The following MTM1 variants were observed in gnomAD, a reference collection of about 807,000 sequenced individuals.
MTM1 encodes the protein myotubularin 1, also known as myotubularin.
Under a neutral mutation model 52.1 loss-of-function variants are expected in MTM1, and 9 were observed. The ratio of observed to expected loss-of-function variants is 0.17; its 90% CI spans 0.10 to 0.30. The LOEUF is 0.30. MTM1 is among the 10% of genes least tolerant of loss of function. MTM1 has a pLI of 1.00. For synonymous variants in MTM1, 136 were observed against 163.8 expected, an observed-to-expected ratio of 0.83 and a Z score of 1.29; for missense variants, 277 against 470.7, an observed-to-expected ratio of 0.59 and a Z score of 3.81.
At chrX:150,648,996 T>A (rs2039977686) in intron 9 of MTM1, among the ~76,000 whole-genome samples, 1 of 112,735 alleles carries the variant, frequency 8.9e-6, no homozygotes, top group East Asian at 2.8e-4. Context: ...CAGTAATACC[T>A]ATCTTGCAGC....
chrX:150,609,765 G>T (rs986581143), intron 4 of MTM1, among the ~76,000 whole-genome samples: 1 of 111,114 alleles, frequency 9.0e-6, no homozygotes, highest in Admixed American at 9.6e-5. Flanking sequence ...TTCTACCTCG[G>T]TCCTTCTCTA....
chrX:150,609,199 G>A (rs1395706092), intron 4 of MTM1, among the ~76,000 whole-genome samples: 1 of 111,277 alleles, frequency 9.0e-6, no homozygotes, highest in Non-Finnish European at 1.9e-5. Context: ...AGTGGTGTGA[G>A]CCAAGGAATG....
chrX:150,630,220 G>A (rs1308560643), intron 6 of MTM1, among the ~76,000 whole-genome samples: 1 of 111,667 alleles, frequency 9.0e-6, no homozygotes, highest in Non-Finnish European at 1.9e-5. Context: ...AGCCTCCCAA[G>A]TAGCTGAGAT....
intron 4 of MTM1, among the ~76,000 whole-genome samples, chrX:150,599,059 G>A (rs1257774314): frequency 4.5e-5 from 5 of 112,094 alleles, no homozygotes; most frequent in South Asian, 7.3e-4. Flanking sequence ...AGATGTCCTG[G>A]ATAGACTGCA....
At chrX:150,654,670 G>A (rs782614101) in intron 10 of MTM1, among the ~76,000 whole-genome samples, 62 of 111,544 alleles carry the variant, frequency 5.6e-4, no homozygotes, top group African/African-American at 2.0e-3. Context: ...CATAGATATT[G>A]CATAGTAAGG....
intron 1 of MTM1, among the ~76,000 whole-genome samples, chrX:150,583,884 T>TATATAATATATATTAA (rs2038720092): frequency 2.8e-5 from 1 of 35,723 alleles, no homozygotes; most frequent in African/African-American, 2.0e-4. Context: ...ATATTAAATA[T>TATATAATATATATTAA]ATATATATAT....
intron 5 of MTM1, 117 bp downstream of exon 5, chrX:150,614,816 C>T (rs1303718415): frequency 1.3e-5 from 6 of 475,393 alleles, no homozygotes; most frequent in Middle Eastern, 5.8e-4. Flanking sequence ...ATCTAAGGCC[C>T]TGGAAATGGT....
At chrX:150,594,091 GTGTGTATA>G (rs1266479566) in intron 2 of MTM1, among the ~76,000 whole-genome samples, 1 of 110,052 alleles carries the variant, frequency 9.1e-6, no homozygotes, top group Non-Finnish European at 1.9e-5. Context: ...TTCCGTGTGT[GTGTGTATA>G]TGTGTATGTG....
intron 2 of MTM1, among the ~76,000 whole-genome samples, chrX:150,594,294 G>C (rs2038938643): frequency 9.1e-6 from 1 of 109,803 alleles, no homozygotes; most frequent in South Asian, 4.0e-4. Context: ...ATTTTTAGTA[G>C]AGTTGGGGTT....
intron 10 of MTM1, among the ~76,000 whole-genome samples, chrX:150,656,106 C>T (rs1465399880): frequency 5.4e-5 from 6 of 110,961 alleles, no homozygotes; most frequent in African/African-American, 1.6e-4. Context: ...ACAGTCTAGA[C>T]GCGACCTGTT....
At chrX:150,638,342 A>G (rs1217559505) in intron 6 of MTM1, among the ~76,000 whole-genome samples, 2 of 111,018 alleles carry the variant, frequency 1.8e-5, no homozygotes, top group African/African-American at 6.6e-5. Flanking sequence ...TCACTAGAGT[A>G]TGGATGGTAT....
Position 150,639,019 on chromosome X carries a change from G to A in MTM1, c.521G>A (p.Arg174Lys). The change falls in exon 7 of 15, where the codon AGG becomes AAG. Residue 174 changes from arginine (R) to lysine (K), a missense_variant. This residue lies in a region of MTM1 where 164 missense variants were observed against 283.3 expected (regional missense o/e 0.58). Coordinates refer to ENST00000370396, the MANE Select transcript of MTM1 (RefSeq NM_000252.3). Reference protein sequence around the residue: ...WTVYNPVEEYRRQGLPNHHWR... With the variant: ...WTVYNPVEEYKRQGLPNHHWR... ...GTTTACAATCCAGTGGAAGAATACAGGAGGCAGGTAAGATGTTAGATGCTA... is the reference window on the plus strand; with the variant it reads ...GTTTACAATCCAGTGGAAGAATACAAGAGGCAGGTAAGATGTTAGATGCTA... 8.4e-7 allele frequency: 1 copy of A among 1,193,481 alleles called. No individual in the cohort carries two copies. The highest frequency in any genetic ancestry group is 1.1e-6 in the Non-Finnish European group (1 of 878,745).
intron 1 of MTM1, among the ~76,000 whole-genome samples, chrX:150,587,553 C>CAA (rs1398276833): frequency 8.9e-6 from 1 of 111,778 alleles, no homozygotes; most frequent in African/African-American, 3.3e-5. Context: ...CCCAAATAAA[C>CAA]AAATATATGT....
chrX:150,619,353 C>T (rs1323636057), intron 6 of MTM1, among the ~76,000 whole-genome samples: 1 of 112,063 alleles, frequency 8.9e-6, no homozygotes, highest in Non-Finnish European at 1.9e-5. Flanking sequence ...CAATGAGTGT[C>T]AGGCTTTTGT....
chrX:150,618,620 C>T (rs782027649), intron 5 of MTM1, among the ~76,000 whole-genome samples: 1 of 111,715 alleles, frequency 9.0e-6, no homozygotes, highest in Non-Finnish European at 1.9e-5. Context: ...TGCCACTACA[C>T]TCCAGCCTGG....
At position 150,645,533 on chromosome X, in the gene MTM1, C is replaced by G. The variant is rs113515087; in HGVS notation, c.679-150C>G. The G allele has an allele frequency of 4.3e-3, 2,220 of 511,790 alleles. 41 individuals carry two copies. The African/African-American group carries it at 0.046, about 11-fold the overall frequency. 42.2% of individuals were successfully genotyped at this position (511,790 alleles called of 1,213,427 possible). On this transcript the variant is annotated intron_variant, in intron 8 of 14. Transcript: ENST00000370396. ...AAATGCATGTCTCTGGGCACACACA[C>G]GCAGTGAGATTGCAAGTGAACAAGT...
chrX:150,590,879 A>G (rs1325029142), intron 1 of MTM1, among the ~76,000 whole-genome samples: 2 of 112,115 alleles, frequency 1.8e-5, no homozygotes, highest in African/African-American at 6.5e-5. Context: ...ACTAAAAGGT[A>G]GTTTTATATC....
At chrX:150,649,629 G>T in intron 9 of MTM1, 87 bp from the exon 10 acceptor site, 1 of 870,868 alleles carries the variant, frequency 1.1e-6, no homozygotes, top group Non-Finnish European at 1.7e-6. Flanking sequence ...GGGGTTATTT[G>T]GAGGACAAAT....
chrX:150,587,019 A>T (rs1204130228), intron 1 of MTM1, among the ~76,000 whole-genome samples: 1 of 110,582 alleles, frequency 9.0e-6, no homozygotes, highest in East Asian at 2.8e-4. Flanking sequence ...CCTGTTCCTC[A>T]TGACAGCACT....
Sources: allele counts gnomAD v4.1 joint callset (sites outside exome capture counted in the v4.1 genomes callset), GRCh38; gene constraint gnomAD v4.1.1; regional missense constraint gnomAD v4.1.1; transcripts MANE v1.5; gene names NCBI Gene and HGNC (gene_info 2026-07-23, HGNC 2026-07-21).